Variants in IRAG2 observed in about 807,000 individuals in gnomAD.
The protein encoded by IRAG2 is lymphoid restricted membrane protein.
In IRAG2, 45 loss-of-function variants were observed where a neutral mutation model predicts 69.9. The ratio of observed to expected loss-of-function variants is 0.64; its 90% CI spans 0.51 to 0.83. The LOEUF (loss-of-function observed/expected upper bound fraction) is 0.83. Ranked by LOEUF, IRAG2 falls within the 40% of genes least tolerant of loss-of-function variation. The probability of loss-of-function intolerance (pLI) is 0.00; values close to 1 mark genes in which losing one functional copy is unlikely to be tolerated. For synonymous variants in IRAG2, 193 were observed against 202.4 expected (o/e 0.95, Z 0.40); for missense variants, 520 against 587.0 (o/e 0.89, Z 1.18).
intron 5 of IRAG2, among the ~76,000 whole-genome samples, chr12:25,068,504 A>T (rs922313591): frequency 1.3e-5 from 2 of 152,068 alleles, no homozygotes; most frequent in African/African-American, 4.8e-5. Flanking sequence ...GCCATTGGTG[A>T]TCACCTCAGC....
At chr12:25,015,704 A>G (rs1244085972) in intron 5 of IRAG2, among the ~76,000 whole-genome samples, 1 of 152,258 alleles carries the variant, frequency 6.6e-6, no homozygotes, top group Non-Finnish European at 1.5e-5. Context: ...TCTGTAGGGA[A>G]AAGTTCCACC....
At chr12:25,011,221 C>T (rs1944472301) in intron 2 of IRAG2, 1 of 609,406 alleles carries the variant, frequency 1.6e-6, no homozygotes, top group Admixed American at 4.4e-5. Context: ...GGCCAGTGTT[C>T]TTTACAATAT....
intron 3 of IRAG2, among the ~76,000 whole-genome samples, chr12:25,012,248 G>T (rs573427280): frequency 3.4e-5 from 5 of 148,514 alleles, no homozygotes; most frequent in Non-Finnish European, 3.0e-5. Flanking sequence ...GCTGCCTCCC[G>T]GGTTCAAGCA....
intron 6 of IRAG2, among the ~76,000 whole-genome samples, chr12:25,019,331 A>T (rs1944557616): frequency 6.6e-6 from 1 of 152,190 alleles, no homozygotes. Context: ...TCCAACATCC[A>T]GGAAGAATCA....
intron 9 of IRAG2, among the ~76,000 whole-genome samples, chr12:25,027,401 T>G (rs1202398079): frequency 6.7e-6 from 1 of 149,716 alleles, no homozygotes; most frequent in African/African-American, 2.4e-5. Context: ...TTTTTTTCTT[T>G]TTTTTTTTTT....
intron 14 of IRAG2, chr12:25,090,845 C>G (rs1490330386): frequency 2.2e-6 from 1 of 453,668 alleles, no homozygotes; most frequent in Admixed American, 2.4e-5. Context: ...GAAAACTGAG[C>G]AATAGGAAAT....
chr12:25,052,442 C>T, upstream of IRAG2: 1 of 387,000 alleles, frequency 2.6e-6, no homozygotes, highest in Non-Finnish European at 4.5e-6. Context: ...ACAACAACAA[C>T]AAACAAAAAA....
rs570399612 is a variant in IRAG2 at position 25,036,600 on chromosome 12, A to G, written c.1894A>G (p.Lys632Glu). The G allele has an allele frequency of 7.5e-6, 3 of 398,932 alleles. No homozygotes were observed. The East Asian group carries it at 1.1e-4, about 14-fold the overall frequency. The allele number at this position is 398,932 out of a possible 1,614,324, so 24.7% of individuals were successfully genotyped here. A position where few individuals can be genotyped will look rare whatever the true frequency, so the allele number is the denominator to read the frequency against. The change falls in exon 15 of 39, where the codon AAA becomes GAA. Residue 632 changes from lysine (K) to glutamate (E), a missense_variant. Coordinates refer to the IRAG2 transcript ENST00000636465. ...CTTTTTTCAGCACGAAGAAATTTCT[A>G]AAATTGCAACCCTCATTGAAAACTC...
intron 16 of IRAG2, among the ~76,000 whole-genome samples, chr12:25,041,662 G>GT (rs201257184): frequency 0.068 from 7,012 of 102,644 alleles, 301 homozygotes; most frequent in East Asian, 0.21. Flanking sequence ...GCTAAGTTTT[G>GT]TTTTTTTTTG....
At chr12:25,050,156 A>G (rs959115290), upstream of IRAG2, among the ~76,000 whole-genome samples, 2 of 151,834 alleles carry the variant, frequency 1.3e-5, no homozygotes, top group African/African-American at 2.4e-5. Flanking sequence ...ACAAATAAAA[A>G]AAAGTGTTGG....
chr12:25,104,563 A>G (rs1948928564), intron 20 of IRAG2, 101 bp downstream of exon 20: 2 of 717,398 alleles, frequency 2.8e-6, no homozygotes, highest in Non-Finnish European at 5.0e-6. Flanking sequence ...TGTATAATTA[A>G]AAAGATAATT....
At chr12:25,041,546 A>G (rs1391171858) in intron 16 of IRAG2, among the ~76,000 whole-genome samples, 1 of 150,986 alleles carries the variant, frequency 6.6e-6, no homozygotes, top group Non-Finnish European at 1.5e-5. Flanking sequence ...CAGTGGCACG[A>G]TTTCAGCTCA....
chr12:25,058,107 A>G (rs964834977), intron 1 of IRAG2, among the ~76,000 whole-genome samples: 1 of 152,228 alleles, frequency 6.6e-6, no homozygotes, highest in Non-Finnish European at 1.5e-5. Context: ...CCTAGAATAA[A>G]TATCTAGGAG....
At chr12:25,003,680 G>A (rs570534281), upstream of IRAG2, among the ~76,000 whole-genome samples, 4 of 152,190 alleles carry the variant, frequency 2.6e-5, no homozygotes, top group Admixed American at 2.0e-4. Flanking sequence ...TTAGAGATGG[G>A]ACCATTAGCA....
chr12:25,037,293 C>G (rs1170631912), intron 15 of IRAG2, among the ~76,000 whole-genome samples: 1 of 151,980 alleles, frequency 6.6e-6, no homozygotes, highest in Non-Finnish European at 1.5e-5. Flanking sequence ...CTTTGCCAAT[C>G]TAATTTTTTT....
intron 16 of IRAG2, among the ~76,000 whole-genome samples, chr12:25,043,373 T>A (rs931310640): frequency 1.2e-4 from 19 of 152,182 alleles, no homozygotes; most frequent in African/African-American, 3.9e-4. Context: ...TCTGTTTCAC[T>A]TGTCTTATAG....
rs746240770 is a variant in IRAG2 at position 25,097,002 on chromosome 12, A to G, written c.699A>G (p.Ala233=). The stretch of plus-strand genomic sequence containing the variant: ...TAAAGTTTCTTAGCCAGTGTGCAGC[A>G]CGAGTGGCCAGTAGGGCTGAGATGT... ...KSIKFLSQCA[A]RVASRAEMLG... Residue 233 remains alanine, a synonymous_variant, in exon 15 of 22, where the codon GCA becomes GCG. Transcript: ENST00000556887. 1.2e-6 allele frequency: 2 copies of G among 1,613,642 alleles called. No individual in the cohort carries two copies. Among genetic ancestry groups the G allele is most frequent in the South Asian group, 2.2e-5 (2 of 91,016 alleles).
chr12:25,007,432 A>T (rs2139816165), intron 2 of IRAG2, among the ~76,000 whole-genome samples: 1 of 152,254 alleles, frequency 6.6e-6, no homozygotes, highest in South Asian at 2.1e-4. Context: ...AATATCCAAG[A>T]AATGTTTATT....
At chr12:25,076,542 T>C (rs1332299538) in intron 6 of IRAG2, 1 of 984,844 alleles carries the variant, frequency 1.0e-6, no homozygotes, top group Non-Finnish European at 1.2e-6. Flanking sequence ...AATGATGTAC[T>C]CTCTTTTCCC....
Sources: allele counts gnomAD v4.1 joint callset (sites outside exome capture counted in the v4.1 genomes callset), GRCh38; gene constraint gnomAD v4.1.1; transcripts MANE v1.5; gene names NCBI Gene and HGNC (gene_info 2026-07-23, HGNC 2026-07-21).